Variants in C6orf89 observed in about 807,000 individuals in gnomAD.
C6orf89 encodes chromosome 6 open reading frame 89, also known as bombesin receptor-activated protein C6orf89.
Under a neutral mutation model 40.7 loss-of-function variants are expected in C6orf89, and 29 were observed. The ratio of observed to expected loss-of-function variants is 0.71; its 90% confidence interval spans 0.53 to 0.97. The LOEUF (loss-of-function observed/expected upper bound fraction) is 0.97. Among genes scored for constraint, C6orf89 ranks in the 50% least tolerant of loss-of-function variants. The pLI is 0.00. For synonymous variants in C6orf89, 165 were observed against 152.2 expected (o/e 1.08, Z -0.62); for missense variants, 392 against 429.1 (o/e 0.91, Z 0.76).
chr6:36,898,263 TTTTTCTTTTC>T (rs1223161572), intron 2 of C6orf89, among the ~76,000 whole-genome samples: 4 of 144,850 alleles, frequency 2.8e-5, no homozygotes, highest in Non-Finnish European at 4.5e-5. Context: ...TTAAAATTTG[TTTTTCTTTTC>T]TTTTCTTTTC....
At chr6:36,915,712 A>G (rs1326724472) in intron 6 of C6orf89, among the ~76,000 whole-genome samples, 7 of 151,946 alleles carry the variant, frequency 4.6e-5, no homozygotes, top group Admixed American at 2.6e-4. Context: ...TTTCAAAAAA[A>G]AAAAAGGTTG....
chr6:36,914,845 C>G, intron 6 of C6orf89, 152 bp downstream of exon 6: 1 of 891,366 alleles, frequency 1.1e-6, no homozygotes, highest in Non-Finnish European at 1.7e-6. Context: ...CAAAAATTAG[C>G]CAGGTATGGT....
In C6orf89 at chr6:36,914,326, CAG is replaced by C; in HGVS notation, c.449_450del (p.Glu150AlafsTer27). 6.2e-7 allele frequency: 1 copy of C among 1,614,164 alleles called. No homozygotes were observed. The highest frequency in any genetic ancestry group is 8.5e-7 in the Non-Finnish European group (1 of 1,180,038). ...ACAAACGACTGTGAGCAGAATGAGT[CAG>C]AGCCCATTCCTGCCAACTGCACTGG... On this transcript the variant is annotated frameshift_variant, in exon 5 of 9. Coordinates refer to ENST00000480824, the MANE Select transcript of C6orf89 (RefSeq NM_001286635.2). LOFTEE classifies it high-confidence loss of function.
intron 1 of C6orf89, among the ~76,000 whole-genome samples, chr6:36,878,677 AAACTT>A (rs139174601): frequency 0.3 from 45,634 of 151,722 alleles, 7,578 homozygotes; most frequent in Non-Finnish European, 0.37. Flanking sequence ...ACAAATTTGA[AAACTT>A]AACTTAATAG....
At chr6:36,882,635 A>G (rs530495378), upstream of C6orf89, among the ~76,000 whole-genome samples, 7 of 152,174 alleles carry the variant, frequency 4.6e-5, no homozygotes, top group East Asian at 1.3e-3. Context: ...TGGAAAGACG[A>G]TCAAAGCTTC....
rs957578229 is a variant in C6orf89 at position 36,924,729 on chromosome 6, A to G, written c.*1288A>G. 8 of 152,302 alleles carry G rather than the reference A, an allele frequency of 5.3e-5. No homozygotes were observed. The highest frequency in any genetic ancestry group is 4.6e-4 in the Admixed American group (7 of 15,298). 9.4% of individuals were successfully genotyped at this position (152,302 alleles called of 1,614,324 possible). On this transcript the variant is annotated 3_prime_UTR_variant, in exon 9 of 9. Coordinates refer to ENST00000480824, the MANE Select transcript of C6orf89 (RefSeq NM_001286635.2). ...ACTGGTCATGCCATTGCCAAGATGA[A>G]GAAAAAGCAAACTACACTTTGGCCT...
chr6:36,912,860 G>A (rs573709108), intron 4 of C6orf89, among the ~76,000 whole-genome samples: 2 of 152,308 alleles, frequency 1.3e-5, no homozygotes, highest in East Asian at 1.9e-4. Context: ...AAACAAGCAT[G>A]TAGTGCTTAC....
Position 36,916,557 on chromosome 6 carries a change from C to A in C6orf89, c.808C>A (p.Pro270Thr). ...LNKCSFLHPEPVVGSKMHKMP... is the reference protein window; with the variant it reads ...LNKCSFLHPETVVGSKMHKMP... ...CAAGTGCTCCTTTCTTCACCCAGAACCTGTTGTGGGGAGTAAGGTAGGAAA... is the reference window on the plus strand; with the variant it reads ...CAAGTGCTCCTTTCTTCACCCAGAAACTGTTGTGGGGAGTAAGGTAGGAAA... Residue 270 changes from proline to threonine, a missense_variant, in exon 7 of 9, where the codon CCT becomes ACT. Transcript: ENST00000480824. The A allele has an allele frequency of 6.2e-7, 1 of 1,614,188 alleles. No homozygotes were observed. The highest frequency in any genetic ancestry group is 8.5e-7 in the Non-Finnish European group (1 of 1,180,036).
intron 3 of C6orf89, among the ~76,000 whole-genome samples, chr6:36,901,497 G>T (rs1409556653): frequency 1.4e-5 from 2 of 146,082 alleles, no homozygotes; most frequent in African/African-American, 2.5e-5. Flanking sequence ...ACCACATCCG[G>T]CTAATTTTTT....
At chr6:36,874,940 T>C in intron 1 of C6orf89, 1 of 688,936 alleles carries the variant, frequency 1.5e-6, no homozygotes, top group Non-Finnish European at 2.4e-6. Flanking sequence ...GCCGGGAAGC[T>C]GGGGTGGGAG....
chr6:36,911,897 T>G (rs1762136318), intron 4 of C6orf89, among the ~76,000 whole-genome samples: 1 of 144,342 alleles, frequency 6.9e-6, no homozygotes, highest in Non-Finnish European at 1.5e-5. Flanking sequence ...TCCCACTGCC[T>G]CATTCATTAT....
rs1175001113 is a variant in C6orf89, at chr6:36,924,733, A to G, written c.*1292A>G. On this transcript the variant is annotated 3_prime_UTR_variant, in exon 9 of 9. Transcript: ENST00000480824. Reference sequence around the variant, plus strand: ...GTCATGCCATTGCCAAGATGAAGAAAAAGCAAACTACACTTTGGCCTCTGG... The same window carrying G: ...GTCATGCCATTGCCAAGATGAAGAAGAAGCAAACTACACTTTGGCCTCTGG... 1 of 152,194 alleles carries G rather than the reference A, an allele frequency of 6.6e-6. No homozygotes were observed. Among genetic ancestry groups the G allele is most frequent in the African/African-American group, 2.4e-5 (1 of 41,448 alleles). The allele number at this position is 152,194 out of a possible 1,614,324, so 9.4% of individuals were successfully genotyped here. A position where few individuals can be genotyped will look rare whatever the true frequency, so the allele number is the denominator to read the frequency against.
upstream of C6orf89, among the ~76,000 whole-genome samples, chr6:36,882,198 C>T (rs972960233): frequency 1.3e-5 from 2 of 152,148 alleles, no homozygotes; most frequent in Non-Finnish European, 2.9e-5. Flanking sequence ...ATCATTTTGG[C>T]TAAATGAATG....
chr6:36,884,233 C>G (rs914048578), upstream of C6orf89, among the ~76,000 whole-genome samples: 6 of 152,260 alleles, frequency 3.9e-5, no homozygotes, highest in African/African-American at 1.4e-4. This position sits in a 1 kb window ranked among gnomAD's most constrained non-coding sequence, Gnocchi z 4.0. Flanking sequence ...GCATTCCAGC[C>G]TTGGTGACAG....
intron 1 of C6orf89, among the ~76,000 whole-genome samples, chr6:36,878,001 G>A (rs1239291443): frequency 6.6e-6 from 1 of 152,086 alleles, no homozygotes; most frequent in Non-Finnish European, 1.5e-5. Context: ...TGTCAGTGTT[G>A]GACAGACATT....
At chr6:36,881,887 G>T (rs1471292869), upstream of C6orf89, among the ~76,000 whole-genome samples, 1 of 151,992 alleles carries the variant, frequency 6.6e-6, no homozygotes, top group Non-Finnish European at 1.5e-5. Context: ...TTACCTTATG[G>T]TCAAACTAAT....
chr6:36,873,822 G>C (rs775441065), intron 1 of C6orf89, among the ~76,000 whole-genome samples: 14 of 152,128 alleles, frequency 9.2e-5, no homozygotes, highest in Non-Finnish European at 7.3e-5. Context: ...GGCTGTTGAG[G>C]GGAGAATGGC....
intron 1 of C6orf89, among the ~76,000 whole-genome samples, chr6:36,891,136 CCTCCCCA>C (rs1761195717): frequency 6.6e-6 from 1 of 151,932 alleles, no homozygotes; most frequent in South Asian, 2.1e-4. Flanking sequence ...TAATGCTATC[CCTCCCCA>C]CTCCCCTACC....
chr6:36,912,271 A>G (rs906931100), intron 4 of C6orf89, among the ~76,000 whole-genome samples: 4 of 152,146 alleles, frequency 2.6e-5, no homozygotes, highest in Admixed American at 6.5e-5. Context: ...TTGTTCATCC[A>G]CAGAATGAGA....
Sources: allele counts gnomAD v4.1 joint callset (sites outside exome capture counted in the v4.1 genomes callset), GRCh38; gene constraint gnomAD v4.1.1; non-coding constraint Gnocchi (gnomAD v3.1); transcripts MANE v1.5; gene names NCBI Gene and HGNC (gene_info 2026-07-23, HGNC 2026-07-21).